The following PLCB1 variants were observed in gnomAD, a reference collection of about 807,000 sequenced individuals.
PLCB1 encodes phospholipase C beta 1, also known as 1-phosphatidylinositol 4,5-bisphosphate phosphodiesterase beta-1.
A neutral mutation model predicts 161.8 loss-of-function variants in PLCB1; 46 were observed. The ratio of observed to expected loss-of-function variants is 0.28; its 90% CI spans 0.22 to 0.36. PLCB1 has a LOEUF of 0.36. Ranked by LOEUF, PLCB1 falls within the 10% of genes least tolerant of loss-of-function variation. PLCB1 has a pLI of 1.00. For synonymous variants in PLCB1, 517 were observed against 503.7 expected (o/e 1.03, Z -0.35); for missense variants, 1,016 against 1,472.5 (o/e 0.69, Z 5.07).
rs1987979737 is a variant in PLCB1 at position 8,614,085 on chromosome 20, A to G, written c.247-14209A>G. Among the ~76,000 whole-genome samples the G allele has an allele frequency of 3.9e-5, 6 of 152,170 alleles. 1 individual carries two copies. The highest frequency in any genetic ancestry group is 3.9e-4 in the Admixed American group (6 of 15,256). The stretch of plus-strand genomic sequence containing the variant: ...ACAAACTCTTTCTACTCTAAAAGAC[A>G]TGTGAATGGCCAATAAATAAGAAGA... On this transcript the variant is annotated intron_variant, in intron 3 of 31. Coordinates refer to ENST00000338037, the MANE Select transcript of PLCB1 (RefSeq NM_015192.4).
chr20:8,411,931 G>A (rs1255094537), intron 3 of PLCB1, among the ~76,000 whole-genome samples: 2 of 152,068 alleles, frequency 1.3e-5, no homozygotes, highest in Non-Finnish European at 2.9e-5. Context: ...ACTGAGGCAG[G>A]AGAATCGCTT....
chr20:8,775,280 G>T (rs927912850), intron 27 of PLCB1, among the ~76,000 whole-genome samples: 2 of 152,050 alleles, frequency 1.3e-5, no homozygotes, highest in Non-Finnish European at 2.9e-5. Context: ...GTTTTCTCAC[G>T]AATTGAGACA....
chr20:8,747,778 A>G (rs1600295280), intron 23 of PLCB1, among the ~76,000 whole-genome samples: 1 of 152,300 alleles, frequency 6.6e-6, no homozygotes, highest in East Asian at 1.9e-4. Context: ...TTAAAAATAA[A>G]TAAAATAAAA....
intron 2 of PLCB1, among the ~76,000 whole-genome samples, chr20:8,156,869 T>C (rs919965151): frequency 1.3e-5 from 2 of 152,248 alleles, no homozygotes; most frequent in African/African-American, 4.8e-5. Context: ...CTTTTATTAT[T>C]GCTACATAAT....
chr20:8,292,150 A>G (rs943346861), intron 2 of PLCB1, among the ~76,000 whole-genome samples: 1 of 152,172 alleles, frequency 6.6e-6, no homozygotes, highest in East Asian at 1.9e-4. Flanking sequence ...AAGTTCTAGA[A>G]AAACTGAGCC....
At chr20:8,290,206 T>C (rs1600290531) in intron 2 of PLCB1, among the ~76,000 whole-genome samples, 1 of 152,220 alleles carries the variant, frequency 6.6e-6, no homozygotes, top group East Asian at 1.9e-4. Flanking sequence ...AAGAGAAAAA[T>C]TGACTCCAGA....
chr20:8,694,046 G>A (rs765174651), intron 10 of PLCB1, among the ~76,000 whole-genome samples: 8 of 152,152 alleles, frequency 5.3e-5, no homozygotes, highest in African/African-American at 1.4e-4. Context: ...TCAGCGATCC[G>A]CTAGCCCCAG....
intron 31 of PLCB1, among the ~76,000 whole-genome samples, chr20:8,790,782 A>G (rs746243495): frequency 1.2e-4 from 18 of 152,140 alleles, no homozygotes; most frequent in Non-Finnish European, 2.2e-4. Context: ...AAATTATCTT[A>G]TGTTCATTGT....
chr20:8,623,315 A>AT (rs937255381), intron 3 of PLCB1, among the ~76,000 whole-genome samples: 11 of 151,382 alleles, frequency 7.3e-5, no homozygotes, highest in East Asian at 1.9e-4. Context: ...GTTTCTTCTA[A>AT]TTTTTTTTTG....
At chr20:8,409,823 A>G (rs1439005741) in intron 3 of PLCB1, among the ~76,000 whole-genome samples, 3 of 152,140 alleles carry the variant, frequency 2.0e-5, no homozygotes, top group Non-Finnish European at 4.4e-5. Flanking sequence ...AAGCAAATAA[A>G]TAATATTATT....
intron 23 of PLCB1, among the ~76,000 whole-genome samples, chr20:8,744,192 T>C (rs2123528310): frequency 6.6e-6 from 1 of 151,836 alleles, no homozygotes; most frequent in East Asian, 1.9e-4. Context: ...AAAACAGAAA[T>C]GTCCTTTTTC....
Position 8,646,108 on chromosome 20 carries a change from A to G in PLCB1, c.391A>G (p.Thr131Ala). Reference sequence around the variant, plus strand: ...TGTTATTTACATTTTTCAGGAATGGACAAATGAGGTTTTCAGTTTGGCAAC... The same window carrying G: ...TGTTATTTACATTTTTCAGGAATGGGCAAATGAGGTTTTCAGTTTGGCAAC... ...AFQEEVAKEW[T>A]NEVFSLATNL... is the part of the protein sequence containing the mutation. The change falls in exon 5 of 32, where the codon ACA becomes GCA. Residue 131 changes from threonine (T) to alanine (A), a missense_variant. Coordinates refer to ENST00000338037, the MANE Select transcript of PLCB1 (RefSeq NM_015192.4). 6 of 1,609,328 alleles carry G rather than the reference A, an allele frequency of 3.7e-6. No individual in the cohort carries two copies. The highest frequency in any genetic ancestry group is 5.1e-6 in the Non-Finnish European group (6 of 1,175,552).
At chr20:8,548,770 C>T (rs200532239) in intron 3 of PLCB1, among the ~76,000 whole-genome samples, 1 of 38,338 alleles carries the variant, frequency 2.6e-5, no homozygotes, top group Admixed American at 1.7e-4. Flanking sequence ...ATTTTATGTT[C>T]CATGTTCTCA....
chr20:8,452,599 T>A (rs923187957), intron 3 of PLCB1, among the ~76,000 whole-genome samples: 6 of 152,188 alleles, frequency 3.9e-5, no homozygotes, highest in Non-Finnish European at 8.8e-5. Flanking sequence ...CTAAAACAAA[T>A]AATGATTTGT....
At chr20:8,565,265 C>T (rs1317403953) in intron 3 of PLCB1, among the ~76,000 whole-genome samples, 1 of 152,120 alleles carries the variant, frequency 6.6e-6, no homozygotes, top group Non-Finnish European at 1.5e-5. Flanking sequence ...CATGTTCTCA[C>T]TCATAAGTGG....
At position 8,240,851 on chromosome 20, in the gene PLCB1, A is replaced by G. The variant is rs544956665; in HGVS notation, c.177+90480A>G. On this transcript the variant is annotated intron_variant, in intron 2 of 31. Transcript: ENST00000338037. ...TTTATAAAAGAAGAAAATAATGTAT[A>G]TTAAACTAGCCCCATGAAATTTTGC... Among the ~76,000 whole-genome samples the G allele has an allele frequency of 3.9e-5, 6 of 152,106 alleles. 1 individual carries two copies. The highest frequency in any genetic ancestry group is 4.1e-4 in the South Asian group (2 of 4,826).
intron 3 of PLCB1, among the ~76,000 whole-genome samples, chr20:8,602,557 G>A (rs1048579926): frequency 1.3e-5 from 2 of 152,120 alleles, no homozygotes; most frequent in African/African-American, 4.8e-5. Flanking sequence ...AATCCTAATT[G>A]AGGAATGCAT....
chr20:8,472,895 A>G (rs1982116339), intron 3 of PLCB1, among the ~76,000 whole-genome samples: 1 of 152,190 alleles, frequency 6.6e-6, no homozygotes, highest in African/African-American at 2.4e-5. Flanking sequence ...ATTGTTGTTT[A>G]CAAAATGCTC....
chr20:8,552,011 T>C (rs1985791483), intron 3 of PLCB1, among the ~76,000 whole-genome samples: 1 of 152,176 alleles, frequency 6.6e-6, no homozygotes. Context: ...GACTGTTATG[T>C]GTTACTAGTT....
Sources: allele counts gnomAD v4.1 joint callset (sites outside exome capture counted in the v4.1 genomes callset), GRCh38; gene constraint gnomAD v4.1.1; transcripts MANE v1.5; gene names NCBI Gene and HGNC (gene_info 2026-07-23, HGNC 2026-07-21).